The following NLE1 variants were observed in gnomAD, a reference collection of about 807,000 sequenced individuals.
NLE1 encodes notchless protein homolog 1.
Under a neutral mutation model 62.8 loss-of-function variants are expected in NLE1, and 37 were observed. The ratio of observed to expected loss-of-function variants is 0.59; its 90% CI spans 0.45 to 0.78. NLE1 has a LOEUF of 0.78. Among genes scored for constraint, NLE1 ranks in the 30% least tolerant of loss-of-function variants. The pLI is 0.00. For missense variants in NLE1, 555 were observed against 637.9 expected (o/e 0.87, Z 1.40); for synonymous variants, 243 against 253.0 (o/e 0.96, Z 0.37).
Position 35,130,615 on chromosome 17 carries a change from G to A in NLE1, c.*1822C>T. On this transcript the variant is annotated 3_prime_UTR_variant, in exon 13 of 13. Coordinates refer to ENST00000442241, the MANE Select transcript of NLE1 (RefSeq NM_018096.5). ...TACATAGGGGCCCCATTCACCTGGA[G>A]GCATCTCAGGCCAGGCCATGCCAGG... 1 of 620,186 alleles carries A rather than the reference G, an allele frequency of 1.6e-6. No homozygotes were observed. Among genetic ancestry groups the A allele is most frequent in the Non-Finnish European group, 2.8e-6 (1 of 360,614 alleles). 38.4% of individuals were successfully genotyped at this position (620,186 alleles called of 1,614,324 possible).
intron 9 of NLE1, among the ~76,000 whole-genome samples, chr17:35,135,657 C>T (rs1342692588): frequency 1.3e-5 from 2 of 152,130 alleles, no homozygotes; most frequent in African/African-American, 4.8e-5. Flanking sequence ...AGAAACTCTA[C>T]ATGCATGTAG....
chr17:35,131,490 T>A lies in NLE1; in HGVS notation c.*947A>T, dbSNP rs2091875862. 1 of 152,254 alleles carries A rather than the reference T, an allele frequency of 6.6e-6. No homozygotes were observed. The highest frequency in any genetic ancestry group is 6.5e-5 in the Admixed American group (1 of 15,286). The allele number at this position is 152,254 out of a possible 1,614,324, so 9.4% of individuals were successfully genotyped here. ...AGATCTCGGCCTGGGGTCTGAGTCC[T>A]GATGGGAATTCCTTTCACTGCTTGA... On this transcript the variant is annotated 3_prime_UTR_variant, in exon 13 of 13. Coordinates refer to ENST00000442241, the MANE Select transcript of NLE1 (RefSeq NM_018096.5).
At position 35,136,166 on chromosome 17, in the gene NLE1, C is replaced by T. The variant is rs750462623; in HGVS notation, c.1011+3G>A. ...GGGGTGCACGTGGCTGGCACACACT[C>T]ACCCGCACGAGGTTGTATCGGCTCA... is the stretch of plus-strand genomic sequence containing the variant. On this transcript the variant is annotated splice_donor_region_variant and intron_variant, in intron 9 of 12. Coordinates refer to ENST00000442241, the MANE Select transcript of NLE1 (RefSeq NM_018096.5). 19 of 1,614,048 alleles carry T rather than the reference C, an allele frequency of 1.2e-5. No individual in the cohort carries two copies.
chr17:35,141,469 C>T (rs2091943257), intron 2 of NLE1, among the ~76,000 whole-genome samples: 1 of 147,026 alleles, frequency 6.8e-6, no homozygotes, highest in African/African-American at 2.6e-5. Context: ...TCGCTTGAAC[C>T]TGGGAGGCAG....
Position 35,132,297 on chromosome 17 carries a change from G to C in NLE1, c.*140C>G. 10 of 637,246 alleles carry C rather than the reference G, an allele frequency of 1.6e-5. No homozygotes were observed. The highest frequency in any genetic ancestry group is 2.4e-5 in the Non-Finnish European group (10 of 415,904). The allele number at this position is 637,246 out of a possible 1,614,324, so 39.5% of individuals were successfully genotyped here. ...GAAAACCCCATTCCGGTCTATCGAG[G>C]ACAGCAGGCCACACGCATTCTCAGG... On this transcript the variant is annotated 3_prime_UTR_variant, in exon 13 of 13. Coordinates refer to ENST00000442241, the MANE Select transcript of NLE1 (RefSeq NM_018096.5).
chr17:35,130,253 C>T lies in NLE1; in HGVS notation c.*2184G>A. Reference sequence around the variant, plus strand: ...AGCCAGGTTCAGATCTGGGAAGGAACTCTGAAGGGTTTTCTTGTTTCACTT... The same window carrying T: ...AGCCAGGTTCAGATCTGGGAAGGAATTCTGAAGGGTTTTCTTGTTTCACTT... On this transcript the variant is annotated 3_prime_UTR_variant, in exon 13 of 13. Transcript: ENST00000442241. 1 of 1,609,874 alleles carries T rather than the reference C, an allele frequency of 6.2e-7. No individual in the cohort carries two copies. Among genetic ancestry groups the T allele is most frequent in the Non-Finnish European group, 8.5e-7 (1 of 1,177,648 alleles).
At chr17:35,132,942 C>T (rs1214282220) in intron 12 of NLE1, among the ~76,000 whole-genome samples, 1 of 152,124 alleles carries the variant, frequency 6.6e-6, no homozygotes, top group Non-Finnish European at 1.5e-5. Flanking sequence ...GACAGAAAGA[C>T]CTGGACGCGC....
rs2091932571 is a variant in NLE1 at position 35,139,943 on chromosome 17, C to T, written c.286G>A (p.Ala96Thr). The T allele has an allele frequency of 6.2e-7, 1 of 1,614,174 alleles. No homozygotes were observed. The highest frequency in any genetic ancestry group is 8.5e-7 in the Non-Finnish European group (1 of 1,180,044). Residue 96 changes from alanine (A) to threonine (T), a missense_variant, in exon 3 of 13, where the codon GCT (alanine) becomes ACT (threonine). By Grantham distance (58) the Ala-to-Thr change is moderately conservative. Coordinates refer to ENST00000442241, the MANE Select transcript of NLE1 (RefSeq NM_018096.5). ...GTCACAGCCCGGACTCTGAAGATAG[C>T]CTGTGGCTGGTAGATGATGTCTAGG... ...KVLDIIYQPQ[A>T]IFRVRAVTRC...
intron 2 of NLE1, 123 bp from the exon 3 acceptor site, chr17:35,140,189 A>C: frequency 9.3e-7 from 1 of 1,071,838 alleles, no homozygotes; most frequent in Non-Finnish European, 1.3e-6. Flanking sequence ...CGTGCTAGGG[A>C]TACCCCCATC....
In NLE1 at chr17:35,139,101, C is replaced by T. The variant is rs1219328474; in HGVS notation, c.460+134G>A. 4.4e-6 allele frequency: 3 copies of T among 676,402 alleles called. No homozygotes were observed. The Admixed American group carries it at 8.2e-5, about 19-fold the overall frequency. The allele number at this position is 676,402 out of a possible 1,614,324, so 41.9% of individuals were successfully genotyped here. On this transcript the variant is annotated intron_variant, in intron 4 of 12. Coordinates refer to ENST00000442241, the MANE Select transcript of NLE1 (RefSeq NM_018096.5). ...GGCTGAAGTAGGGGGACTGCTTGAA[C>T]CCAGGAGTTCAAGGCTTGAGCCCAG...
chr17:35,139,301 C>A lies in NLE1; in HGVS notation c.394G>T (p.Gly132Cys), dbSNP rs2091928423. ...FSPTGKYLAS[G>C]SGDTTVRFWD... The stretch of plus-strand genomic sequence containing the variant: ...AAGCGCACGGTGGTGTCTCCAGAGC[C>A]ACTGGCCAGGTACCTGGGGAAGAAG... Residue 132 changes from glycine to cysteine, a missense_variant, in exon 4 of 13, where the codon GGC becomes TGC. By Grantham distance (159) the Gly-to-Cys change is radical (BLOSUM62 -3). Transcript: ENST00000442241. 1 of 1,613,822 alleles carries A rather than the reference C, an allele frequency of 6.2e-7. No individual in the cohort carries two copies. The highest frequency in any genetic ancestry group is 8.5e-7 in the Non-Finnish European group (1 of 1,179,920).
intron 2 of NLE1, among the ~76,000 whole-genome samples, chr17:35,140,824 T>C (rs901415270): frequency 2.6e-5 from 4 of 151,798 alleles, no homozygotes; most frequent in African/African-American, 9.7e-5. Flanking sequence ...TCCTGACCTC[T>C]AGTGATCTGC....
chr17:35,136,433 T>A lies in NLE1; in HGVS notation c.893A>T (p.Asp298Val). 1 of 1,614,178 alleles carries A rather than the reference T, an allele frequency of 6.2e-7. No individual in the cohort carries two copies. Among genetic ancestry groups the A allele is most frequent in the Non-Finnish European group, 8.5e-7 (1 of 1,180,004 alleles). The change falls in exon 8 of 13, where the codon GAC (aspartate) becomes GTC (valine). Residue 298 changes from aspartate to valine, a missense_variant. Physicochemically the swap from Asp to Val is radical, Grantham distance 152. Coordinates refer to ENST00000442241, the MANE Select transcript of NLE1 (RefSeq NM_018096.5). The part of the protein sequence containing the change: ...HWVNTMALST[D>V]YALRTGAFEP... ...AAAGGCCCCAGTGCGCAGGGCATAG[T>A]CAGTGCTGAGGGCCATGGTGTTCAC...
At chr17:35,132,730 C>T (rs1002351718) in intron 12 of NLE1, among the ~76,000 whole-genome samples, 1 of 152,196 alleles carries the variant, frequency 6.6e-6, no homozygotes, top group African/African-American at 2.4e-5. Context: ...TGTTGACCCT[C>T]CTATTTTTGA....
intron 3 of NLE1, 117 bp downstream of exon 3, chr17:35,139,732 G>T: frequency 7.1e-7 from 1 of 1,401,034 alleles, no homozygotes; most frequent in East Asian, 2.4e-5. Flanking sequence ...TCCAGAGCTT[G>T]GGTCTATGGT....
At chr17:35,138,043 A>G (rs1016742732) in intron 4 of NLE1, among the ~76,000 whole-genome samples, 153 bp from the exon 5 acceptor site, 1 of 152,192 alleles carries the variant, frequency 6.6e-6, no homozygotes, top group Non-Finnish European at 1.5e-5. Context: ...GATGGATAGA[A>G]TGCACCCCAA....
intron 12 of NLE1, 86 bp from the exon 13 acceptor site, chr17:35,132,535 G>A (rs2091882705): frequency 6.8e-6 from 8 of 1,168,412 alleles, no homozygotes; most frequent in Non-Finnish European, 8.9e-6. Context: ...ACAGACGGAC[G>A]GCCTGTGGTC....
Position 35,130,387 on chromosome 17 carries a change from G to T in NLE1, c.*2050C>A. On this transcript the variant is annotated 3_prime_UTR_variant, in exon 13 of 13. Coordinates refer to ENST00000442241, the MANE Select transcript of NLE1 (RefSeq NM_018096.5). The stretch of plus-strand genomic sequence containing the variant: ...GCAAAAGATCGTGTCCATCGGGCCG[G>T]AGGAGATGCGGAGGCTGGAGGATCT... 1 of 1,614,116 alleles carries T rather than the reference G, an allele frequency of 6.2e-7. No homozygotes were observed. Among genetic ancestry groups the T allele is most frequent in the South Asian group, 1.1e-5 (1 of 91,090 alleles).
In NLE1 at chr17:35,130,099, A is replaced by G; in HGVS notation, c.*2338T>C. 7.0e-7 allele frequency: 1 copy of G among 1,427,510 alleles called. No individual in the cohort carries two copies. Among genetic ancestry groups the G allele is most frequent in the Non-Finnish European group, 9.1e-7 (1 of 1,096,064 alleles). 88.4% of individuals were successfully genotyped at this position (1,427,510 alleles called of 1,614,324 possible). ...AGCCCTTTGGTTGGAAATATCCCAT[A>G]ATGAGGAGGTACAGGCTTGAGTCAT... On this transcript the variant is annotated 3_prime_UTR_variant, in exon 13 of 13. Coordinates refer to ENST00000442241, the MANE Select transcript of NLE1 (RefSeq NM_018096.5).
Sources: allele counts gnomAD v4.1 joint callset (sites outside exome capture counted in the v4.1 genomes callset), GRCh38; gene constraint gnomAD v4.1.1; transcripts MANE v1.5; gene names NCBI Gene and HGNC (gene_info 2026-07-23, HGNC 2026-07-21).